Variants in STK32B observed in about 807,000 individuals in gnomAD.
The protein encoded by STK32B is serine/threonine kinase 32B.
STK32B carries 43 observed loss-of-function variants against 52.6 expected under a neutral mutation model. The observed-to-expected ratio is 0.82, with a 90% CI of 0.64 to 1.05. The LOEUF (loss-of-function observed/expected upper bound fraction) is 1.05. STK32B is among the 50% of genes least tolerant of loss of function. The pLI, the probability that STK32B is intolerant of heterozygous loss-of-function variation, is 0.00. For missense variants in STK32B, 621 were observed against 534.6 expected (o/e 1.16, Z -1.59); for synonymous variants, 238 against 204.3 (o/e 1.17, Z -1.41).
chr4:5,199,159 T>G (rs532439657), intron 3 of STK32B, among the ~76,000 whole-genome samples: 1 of 152,290 alleles, frequency 6.6e-6, no homozygotes, highest in East Asian at 1.9e-4. Context: ...GCTGCCCTTC[T>G]CAGCCACAAT....
intron 2 of STK32B, among the ~76,000 whole-genome samples, chr4:5,148,399 CT>C (rs907098399): frequency 1.1e-4 from 17 of 151,884 alleles, no homozygotes; most frequent in Non-Finnish European, 1.9e-4. Flanking sequence ...CCTCTAAGGA[CT>C]GCTTAAGTTA....
the STK32B span, among the ~76,000 whole-genome samples, chr4:5,041,104 G>T: frequency 6.6e-6 from 1 of 152,160 alleles, no homozygotes; most frequent in African/African-American, 2.4e-5. Flanking sequence ...TCTGAAAGAG[G>T]AGTCTCTTCT....
At chr4:5,293,271 G>A (rs942189789) in intron 3 of STK32B, among the ~76,000 whole-genome samples, 7 of 152,060 alleles carry the variant, frequency 4.6e-5, no homozygotes, top group Non-Finnish European at 7.4e-5. Flanking sequence ...TGTCTTTATA[G>A]TAGAATGATT....
chr4:5,389,797 C>T (rs1390319007), intron 4 of STK32B, among the ~76,000 whole-genome samples: 1 of 152,112 alleles, frequency 6.6e-6, no homozygotes, highest in Non-Finnish European at 1.5e-5. Flanking sequence ...GCAAAAGGGA[C>T]TTTGCAGATG....
At chr4:5,331,892 A>G (rs1456554385) in intron 4 of STK32B, among the ~76,000 whole-genome samples, 3 of 152,146 alleles carry the variant, frequency 2.0e-5, no homozygotes, top group Non-Finnish European at 4.4e-5. Context: ...TCTCCCTGCT[A>G]TGCACAGCAG....
rs1321427597 is a variant in STK32B at position 5,281,547 on chromosome 4, T to C, written c.261-49673T>C. On this transcript the variant is annotated intron_variant, in intron 3 of 11. Coordinates refer to ENST00000282908, the MANE Select transcript of STK32B (RefSeq NM_018401.3). ...GGATGCAGCAAACCACCACGGCACA[T>C]GTATATCTATGTAACAAACCTGCGT... Among the ~76,000 whole-genome samples, 8 of 152,272 alleles carry C rather than the reference T, an allele frequency of 5.3e-5. No homozygotes were observed. In the East Asian group the frequency reaches 1.5e-3, roughly 29 times the overall value.
chr4:5,079,244 G>C (rs972543508), intron 1 of STK32B, among the ~76,000 whole-genome samples: 1 of 151,158 alleles, frequency 6.6e-6, no homozygotes, highest in Non-Finnish European at 1.5e-5. Context: ...GCCCTTTCCA[G>C]TGTTTTATTT....
chr4:5,211,574 G>A (rs1045145544), intron 3 of STK32B, among the ~76,000 whole-genome samples: 1 of 152,138 alleles, frequency 6.6e-6, no homozygotes, highest in East Asian at 1.9e-4. Context: ...GGTAGGACTA[G>A]GGGAGGAGGG....
In STK32B at chr4:5,400,398, C is replaced by A. The variant is rs1324666228; in HGVS notation, c.472+2154C>A. Among the ~76,000 whole-genome samples, 2 of 152,108 alleles carry A rather than the reference C, an allele frequency of 1.3e-5. No homozygotes were observed. The highest frequency in any genetic ancestry group is 3.9e-4 in the East Asian group (2 of 5,178). On this transcript the variant is annotated intron_variant, in intron 5 of 11. Transcript: ENST00000282908. The surrounding 1 kb of genome is among the most constrained non-coding windows in gnomAD (Gnocchi z 6.1). The stretch of plus-strand genomic sequence containing the variant: ...CCTTGAGCTCCTCATCTTTTTCCAC[C>A]CCCTGCTTGGCCTTCACAGTGTCCC...
intron 4 of STK32B, 84 bp downstream of exon 4, chr4:5,331,477 A>G: frequency 6.9e-7 from 1 of 1,442,592 alleles, no homozygotes; most frequent in Non-Finnish European, 9.3e-7. Context: ...TGGGGAGAGA[A>G]TTTTGTCCTT....
At chr4:5,035,036 C>G in the STK32B span, among the ~76,000 whole-genome samples, 1 of 152,158 alleles carries the variant, frequency 6.6e-6, no homozygotes, top group African/African-American at 2.4e-5. Flanking sequence ...GAAACCTGTG[C>G]CCCATGGATT....
intron 2 of STK32B, among the ~76,000 whole-genome samples, chr4:5,141,950 TC>T (rs71638596): frequency 3.3e-5 from 5 of 151,284 alleles, no homozygotes; most frequent in African/African-American, 7.4e-5. Flanking sequence ...GAGAAGGACT[TC>T]CCCCCTGGAA....
At chr4:5,321,262 A>C (rs972012324) in intron 3 of STK32B, among the ~76,000 whole-genome samples, 2 of 152,192 alleles carry the variant, frequency 1.3e-5, no homozygotes, top group African/African-American at 4.8e-5. Flanking sequence ...AGCCTCGGTC[A>C]ATGGTATTAA....
chr4:5,049,103 T>G (rs1485459747), upstream of STK32B, among the ~76,000 whole-genome samples: 1 of 152,228 alleles, frequency 6.6e-6, no homozygotes, highest in African/African-American at 2.4e-5. Context: ...TGGAGAACTT[T>G]GCACCAGTAG....
At chr4:5,316,692 AT>A (rs1730841902) in intron 3 of STK32B, among the ~76,000 whole-genome samples, 1 of 1,146 alleles carries the variant, frequency 8.7e-4, no homozygotes, top group Non-Finnish European at 1.0e-3. Context: ...AATATAATAT[AT>A]ATCATATTAT....
intron 3 of STK32B, among the ~76,000 whole-genome samples, chr4:5,206,616 C>T (rs767077284): frequency 2.6e-5 from 4 of 152,026 alleles, no homozygotes; most frequent in African/African-American, 9.7e-5. Flanking sequence ...ATTGAAATGA[C>T]GAATGATGAG....
chr4:5,317,180 A>ATATATATAACATATAT lies in STK32B; in HGVS notation c.261-14032_261-14031insACATATATTATATATA, dbSNP rs1560313096. On this transcript the variant is annotated intron_variant, in intron 3 of 11. Coordinates refer to ENST00000282908, the MANE Select transcript of STK32B (RefSeq NM_018401.3). The stretch of plus-strand genomic sequence containing the variant: ...ATATTACATATATATAACATATAAT[A>ATATATATAACATATAT]TATATATATAACATATATATATTAT... 6.1e-5 allele frequency among the ~76,000 whole-genome samples: 3 copies of ATATATATAACATATAT among 49,566 alleles called. 1 individual carries two copies. The highest frequency in any genetic ancestry group is 5.6e-4 in the African/African-American group (3 of 5,404). 32.5% of individuals were successfully genotyped at this position (49,566 alleles called of 152,430 possible).
At chr4:5,244,178 G>C (rs1033379528) in intron 3 of STK32B, among the ~76,000 whole-genome samples, 3 of 152,130 alleles carry the variant, frequency 2.0e-5, no homozygotes, top group Non-Finnish European at 4.4e-5. Context: ...GTGTACCTCT[G>C]GTAGAATTCA....
In STK32B at chr4:5,499,893, C is replaced by G. The variant is rs1720598935; in HGVS notation, c.*810C>G. 6.6e-6 allele frequency: 1 copy of G among 152,352 alleles called. No individual in the cohort carries two copies. Among genetic ancestry groups the G allele is most frequent in the South Asian group, 2.1e-4 (1 of 4,828 alleles). 9.4% of individuals were successfully genotyped at this position (152,352 alleles called of 1,614,324 possible). A position where few individuals can be genotyped will look rare whatever the true frequency, so the allele number is the denominator to read the frequency against. ...GCACCCCATCCAACTGGCCCGAAAG[C>G]CCAGACCTGCAGCAGAACTCTCCAA... On this transcript the variant is annotated 3_prime_UTR_variant, in exon 12 of 12. Coordinates refer to ENST00000282908, the MANE Select transcript of STK32B (RefSeq NM_018401.3).
Sources: allele counts gnomAD v4.1 joint callset (sites outside exome capture counted in the v4.1 genomes callset), GRCh38; gene constraint gnomAD v4.1.1; non-coding constraint Gnocchi (gnomAD v3.1); transcripts MANE v1.5; gene names NCBI Gene and HGNC (gene_info 2026-07-23, HGNC 2026-07-21).